Variants in ZFPM2 observed in about 807,000 individuals in gnomAD.
ZFPM2 encodes zinc finger protein, FOG family member 2, also known as zinc finger protein ZFPM2.
Under a neutral mutation model 98.6 loss-of-function variants are expected in ZFPM2, and 20 were observed. That is an observed-to-expected ratio of 0.20 (90% CI 0.14 to 0.29). The LOEUF is 0.29. Among genes scored for constraint, ZFPM2 ranks in the 10% least tolerant of loss-of-function variants. ZFPM2 has a pLI of 1.00. For synonymous variants in ZFPM2, 518 were observed against 502.7 expected (o/e 1.03, Z -0.41); for missense variants, 1,310 against 1,388.6 (o/e 0.94, Z 0.90).
chr8:105,790,331 A>T (rs1316009075), intron 6 of ZFPM2, among the ~76,000 whole-genome samples: 1 of 152,074 alleles, frequency 6.6e-6, no homozygotes, highest in Non-Finnish European at 1.5e-5. Flanking sequence ...AGCACCATTT[A>T]TTAAATAGGG....
chr8:105,506,979 C>T (rs1813711989), intron 3 of ZFPM2, among the ~76,000 whole-genome samples: 2 of 123,538 alleles, frequency 1.6e-5, no homozygotes, highest in South Asian at 3.0e-4. Context: ...CAGAGCCAGA[C>T]TCCGTCTCCA....
chr8:105,502,572 A>G (rs1257913193), intron 3 of ZFPM2, among the ~76,000 whole-genome samples: 1 of 152,236 alleles, frequency 6.6e-6, no homozygotes, highest in Non-Finnish European at 1.5e-5. Flanking sequence ...ACTAGAGCAA[A>G]TCGTCAAACA....
intron 3 of ZFPM2, among the ~76,000 whole-genome samples, chr8:105,494,183 G>GTA (rs61035457): frequency 0.065 from 3,892 of 59,636 alleles, 214 homozygotes; most frequent in Admixed American, 0.095. Context: ...GCCACCAAAA[G>GTA]TATATATATA....
At chr8:105,580,902 G>C (rs1266119090) in intron 4 of ZFPM2, among the ~76,000 whole-genome samples, 1 of 147,614 alleles carries the variant, frequency 6.8e-6, no homozygotes, top group Non-Finnish European at 1.5e-5. Context: ...CCCTTATATT[G>C]TTTGCTTAAC....
At chr8:105,571,084 T>G (rs1308641342) in intron 4 of ZFPM2, among the ~76,000 whole-genome samples, 1 of 152,190 alleles carries the variant, frequency 6.6e-6, no homozygotes, top group Non-Finnish European at 1.5e-5. Flanking sequence ...TGTGTAAAGT[T>G]GAGACAAATG....
At chr8:105,460,094 A>G (rs1421834310) in intron 3 of ZFPM2, among the ~76,000 whole-genome samples, 3 of 152,124 alleles carry the variant, frequency 2.0e-5, no homozygotes, top group African/African-American at 7.2e-5. Flanking sequence ...GTGAGTGTTG[A>G]TTAAGTGAGT....
intron 1 of ZFPM2, among the ~76,000 whole-genome samples, chr8:105,399,911 A>G (rs1370099100): frequency 6.6e-6 from 1 of 152,006 alleles, no homozygotes; most frequent in Non-Finnish European, 1.5e-5. Flanking sequence ...GATTACAGGC[A>G]TGCACCACTG....
chr8:105,340,582 C>CT (rs1563611402), intron 1 of ZFPM2, among the ~76,000 whole-genome samples: 1 of 151,790 alleles, frequency 6.6e-6, no homozygotes, highest in African/African-American at 2.4e-5. Context: ...ATGTAGTTTT[C>CT]TTTTTTTGTA....
intron 5 of ZFPM2, among the ~76,000 whole-genome samples, chr8:105,768,838 C>T (rs1280527394): frequency 2.6e-5 from 4 of 151,212 alleles, no homozygotes; most frequent in South Asian, 4.2e-4. Flanking sequence ...CACACACACA[C>T]GCACGCACAC....
chr8:105,426,443 A>G (rs1464155119), intron 2 of ZFPM2, among the ~76,000 whole-genome samples: 2 of 152,082 alleles, frequency 1.3e-5, no homozygotes, highest in Admixed American at 1.3e-4. Flanking sequence ...AACAGCCCCC[A>G]GCTTTGCTTG....
chr8:105,697,654 G>A lies in ZFPM2; in HGVS notation c.532+63297G>A, dbSNP rs537086183. ...TCCTGCTGTATAATGAAATTTTCACGGAATCCTAAAGTATGCACATGAAAA... is the reference window on the plus strand; with the variant it reads ...TCCTGCTGTATAATGAAATTTTCACAGAATCCTAAAGTATGCACATGAAAA... On this transcript the variant is annotated intron_variant, in intron 5 of 7. Coordinates refer to ENST00000407775, the MANE Select transcript of ZFPM2 (RefSeq NM_012082.4). Among the ~76,000 whole-genome samples the A allele has an allele frequency of 1.1e-4, 16 of 152,026 alleles. No individual in the cohort carries two copies. In the East Asian group the frequency reaches 2.1e-3, roughly 20 times the overall value.
intron 3 of ZFPM2, among the ~76,000 whole-genome samples, chr8:105,546,870 A>G (rs1242339148): frequency 5.3e-5 from 8 of 152,182 alleles, no homozygotes; most frequent in Admixed American, 1.3e-4. Context: ...TTATGAAATC[A>G]ATATAAGAAT....
intron 5 of ZFPM2, among the ~76,000 whole-genome samples, chr8:105,739,347 G>T (rs1190172714): frequency 6.6e-6 from 1 of 152,044 alleles, no homozygotes; most frequent in African/African-American, 2.4e-5. Flanking sequence ...AAGTGTAGTT[G>T]TAATCTGTTT....
intron 3 of ZFPM2, among the ~76,000 whole-genome samples, chr8:105,454,559 T>C (rs957324185): frequency 1.3e-5 from 2 of 152,210 alleles, no homozygotes; most frequent in African/African-American, 4.8e-5. Flanking sequence ...GTGATTTAGG[T>C]GTTTCAGCCT....
intron 2 of ZFPM2, among the ~76,000 whole-genome samples, chr8:105,422,186 C>T (rs528396569): frequency 6.6e-6 from 1 of 152,046 alleles, no homozygotes; most frequent in African/African-American, 2.4e-5. Flanking sequence ...GCCTGTAATC[C>T]AAGCACTTTG....
intron 1 of ZFPM2, among the ~76,000 whole-genome samples, chr8:105,411,040 C>T (rs1438936198): frequency 6.6e-6 from 1 of 151,736 alleles, no homozygotes; most frequent in Non-Finnish European, 1.5e-5. Flanking sequence ...TAAACTTTCT[C>T]CAACGATAGT....
intron 6 of ZFPM2, among the ~76,000 whole-genome samples, chr8:105,793,226 G>A (rs1813679672): frequency 6.6e-6 from 1 of 152,142 alleles, no homozygotes; most frequent in South Asian, 2.1e-4. Context: ...GCTGGTACCA[G>A]TTGTTCCTTT....
At chr8:105,355,131 T>C (rs1298248217) in intron 1 of ZFPM2, among the ~76,000 whole-genome samples, 2 of 152,236 alleles carry the variant, frequency 1.3e-5, no homozygotes, top group South Asian at 2.1e-4. Flanking sequence ...AGTGTTGTTG[T>C]AAAATCATTT....
intron 1 of ZFPM2, among the ~76,000 whole-genome samples, chr8:105,379,989 C>T (rs77577255): frequency 0.021 from 3,167 of 152,052 alleles, 102 homozygotes; most frequent in African/African-American, 0.072. Context: ...AGAGTGCCTG[C>T]GCATATAGGA....
Sources: gnomAD v4.1 joint callset for allele counts (sites outside exome capture counted in the v4.1 genomes callset) on GRCh38, gnomAD v4.1.1 for gene constraint, MANE v1.5 for transcripts, NCBI Gene and HGNC (gene_info 2026-07-23, HGNC 2026-07-21) for gene names.